Variants in SERINC3 observed in about 807,000 individuals in gnomAD.
The protein encoded by SERINC3 is serine incorporator 3.
Under a neutral mutation model 52.1 loss-of-function variants are expected in SERINC3, and 22 were observed. The observed-to-expected ratio is 0.42, with a 90% confidence interval of 0.30 to 0.60. The LOEUF is 0.60. SERINC3 is among the 20% of genes least tolerant of loss of function. The pLI, the probability that SERINC3 is intolerant of heterozygous loss-of-function variation, is 0.16. For synonymous variants in SERINC3, 226 were observed against 212.7 expected, an observed-to-expected ratio of 1.06 and a Z score of -0.54; for missense variants, 564 against 584.6, an observed-to-expected ratio of 0.96 and a Z score of 0.36.
chr20:44,505,566 C>T (rs6031634), intron 6 of SERINC3, among the ~76,000 whole-genome samples: 1 of 152,036 alleles, frequency 6.6e-6, no homozygotes, highest in Non-Finnish European at 1.5e-5. Flanking sequence ...GGTGATCTGC[C>T]CGCCTTGGCC....
intron 5 of SERINC3, among the ~76,000 whole-genome samples, chr20:44,509,488 A>G (rs2064333971): frequency 6.6e-6 from 1 of 152,174 alleles, no homozygotes; most frequent in Admixed American, 6.5e-5. Context: ...TATAATTCAG[A>G]GCCAAATTCT....
At chr20:44,510,115 C>G in intron 4 of SERINC3, 87 bp from the exon 5 acceptor site, 1 of 1,313,306 alleles carries the variant, frequency 7.6e-7, no homozygotes, top group East Asian at 2.3e-5. Context: ...TCAATTAAAA[C>G]AAGACAGAGG....
intron 5 of SERINC3, among the ~76,000 whole-genome samples, chr20:44,509,220 A>G (rs1022761744): frequency 2.6e-5 from 4 of 152,132 alleles, no homozygotes; most frequent in African/African-American, 9.7e-5. Context: ...CATAGCAGGT[A>G]TGGGGCCCCT....
At chr20:44,509,743 T>A in intron 5 of SERINC3, 148 bp downstream of exon 5, 2 of 866,022 alleles carry the variant, frequency 2.3e-6, no homozygotes, top group Non-Finnish European at 3.7e-6. Context: ...CTGCCTAGAC[T>A]GGTCTTGAAC....
chr20:44,504,176 GA>G (rs1018093590), intron 7 of SERINC3, among the ~76,000 whole-genome samples, 181 bp from the exon 8 acceptor site: 8 of 150,520 alleles, frequency 5.3e-5, no homozygotes, highest in Admixed American at 1.3e-4. Context: ...ACAGAATTAG[GA>G]AAAAAAAAGA....
chr20:44,510,541 T>A (rs1311376994), intron 4 of SERINC3, among the ~76,000 whole-genome samples: 1 of 152,136 alleles, frequency 6.6e-6, no homozygotes, highest in Non-Finnish European at 1.5e-5. Context: ...CAGCCGGGCG[T>A]GGTGGCTCAC....
rs549883992 is a variant in SERINC3, at chr20:44,506,393, C to T, written c.783+434G>A. Among the ~76,000 whole-genome samples the T allele has an allele frequency of 2.6e-5, 4 of 151,410 alleles. No individual in the cohort carries two copies. The East Asian group carries it at 7.8e-4, about 29-fold the overall frequency. Reference sequence around the variant, plus strand: ...TGGATCACGAGGTCAAGAGTTCAGCCTGGCCAAGATGGTGAAACCCTATCT... The same window carrying T: ...TGGATCACGAGGTCAAGAGTTCAGCTTGGCCAAGATGGTGAAACCCTATCT... On this transcript the variant is annotated intron_variant, in intron 6 of 9. Transcript: ENST00000342374.
chr20:44,522,036 C>G lies in SERINC3; in HGVS notation c.-85G>C. ...GCCAGCTGAGGTGACTCCCCAGAAACATGACGGTTTCTCAGGCCGGAAACG... is the reference window on the plus strand; with the variant it reads ...GCCAGCTGAGGTGACTCCCCAGAAAGATGACGGTTTCTCAGGCCGGAAACG... On this transcript the variant is annotated 5_prime_UTR_variant, in exon 1 of 10. An upstream start codon of the reference 5' UTR is lost. Transcript: ENST00000342374. 7.2e-7 allele frequency: 1 copy of G among 1,398,278 alleles called. No homozygotes were observed. Among genetic ancestry groups the G allele is most frequent in the Admixed American group, 2.0e-5 (1 of 49,330 alleles). The allele number at this position is 1,398,278 out of a possible 1,614,324, so 86.6% of individuals were successfully genotyped here.
chr20:44,521,492 C>G (rs777922219), intron 1 of SERINC3, among the ~76,000 whole-genome samples: 4 of 152,222 alleles, frequency 2.6e-5, no homozygotes, highest in Non-Finnish European at 5.9e-5. Flanking sequence ...GCCACACACT[C>G]TGTAGTTTTG....
At chr20:44,512,723 C>G (rs2064355966) in intron 3 of SERINC3, 78 bp downstream of exon 3, 1 of 1,127,796 alleles carries the variant, frequency 8.9e-7, no homozygotes, top group African/African-American at 1.7e-5. Context: ...TTGATTTCAT[C>G]AGAATGGCTA....
rs372730056 is a variant in SERINC3, at chr20:44,501,243, G to A, written c.1113C>T (p.Ser371=). ...VDKLTLSGSD[S]VILGDTTTSG... is the part of the protein sequence containing the mutation. ...TGGTAGTTGTATCACCAAGGATGAC[G>A]CTGTCACTCCCTGACAGGGTCAGCT... Residue 371 remains serine, a synonymous_variant, in exon 9 of 10, where the codon AGC becomes AGT. Transcript: ENST00000342374. 2.0e-5 allele frequency: 33 copies of A among 1,614,006 alleles called. No individual in the cohort carries two copies. The highest frequency in any genetic ancestry group is 8.0e-5 in the African/African-American group (6 of 74,904).
chr20:44,516,445 T>C (rs2064381427), intron 1 of SERINC3, among the ~76,000 whole-genome samples: 1 of 151,980 alleles, frequency 6.6e-6, no homozygotes, highest in South Asian at 2.1e-4. Context: ...CAGGCTGGAG[T>C]GCAGTAACGC....
chr20:44,518,474 C>T (rs117269113), intron 1 of SERINC3, among the ~76,000 whole-genome samples: 87 of 151,872 alleles, frequency 5.7e-4, no homozygotes, highest in Non-Finnish European at 1.1e-3. Flanking sequence ...TTCTGGGAAA[C>T]GAGGCTGCCA....
At chr20:44,506,652 T>C (rs1467163214) in intron 6 of SERINC3, among the ~76,000 whole-genome samples, 175 bp downstream of exon 6, 2 of 128,506 alleles carry the variant, frequency 1.6e-5, no homozygotes, top group Non-Finnish European at 3.6e-5. Flanking sequence ...TTTTTAATGA[T>C]AGTGAAATTC....
intron 1 of SERINC3, among the ~76,000 whole-genome samples, chr20:44,519,072 A>G (rs1426049386): frequency 6.6e-6 from 1 of 152,122 alleles, no homozygotes; most frequent in Non-Finnish European, 1.5e-5. Flanking sequence ...AACTCTAAAT[A>G]ATCTGTTTTG....
Position 44,504,850 on chromosome 20 carries a change from G to T in SERINC3, c.825C>A (p.Ile275=). The part of the protein sequence containing the change: ...PRSGLLQSSL[I]TLYTMYLTWS... The stretch of plus-strand genomic sequence containing the variant: ...AGGTGAGGTACATAGTGTAGAGGGT[G>T]ATGAGGGAGGACTGCAAGAGGCCGG... The change falls in exon 7 of 10, where the codon ATC becomes ATA. Residue 275 remains isoleucine, a synonymous_variant. Transcript: ENST00000342374. 1 of 1,613,530 alleles carries T rather than the reference G, an allele frequency of 6.2e-7. No individual in the cohort carries two copies. Among genetic ancestry groups the T allele is most frequent in the Non-Finnish European group, 8.5e-7 (1 of 1,179,520 alleles).
intron 2 of SERINC3, 115 bp downstream of exon 2, chr20:44,513,764 G>C: frequency 3.4e-6 from 3 of 883,714 alleles, no homozygotes; most frequent in Non-Finnish European, 4.9e-6. Flanking sequence ...CCCCATATAA[G>C]TAAAAAATCT....
chr20:44,520,172 T>G (rs1441787894), intron 1 of SERINC3, among the ~76,000 whole-genome samples: 2 of 152,156 alleles, frequency 1.3e-5, no homozygotes, highest in Non-Finnish European at 2.9e-5. Flanking sequence ...CCCCAGGAGT[T>G]CGAGACCAGC....
chr20:44,515,479 T>G (rs1402115550), intron 1 of SERINC3, among the ~76,000 whole-genome samples: 1 of 152,192 alleles, frequency 6.6e-6, no homozygotes, highest in East Asian at 1.9e-4. Flanking sequence ...ATTAGTGCAT[T>G]TATATAATAA....
Sources: allele counts gnomAD v4.1 joint callset (sites outside exome capture counted in the v4.1 genomes callset), GRCh38; gene constraint gnomAD v4.1.1; transcripts MANE v1.5; gene names NCBI Gene and HGNC (gene_info 2026-07-23, HGNC 2026-07-21).